THSD4: variants seen among roughly 807,000 people sequenced by gnomAD.
The protein encoded by THSD4 is thrombospondin type 1 domain containing 4, also known as thrombospondin type-1 domain-containing protein 4.
A neutral mutation model predicts 119.0 loss-of-function variants in THSD4; 69 were observed. The observed-to-expected ratio is 0.58, with a 90% CI of 0.48 to 0.71. The LOEUF (loss-of-function observed/expected upper bound fraction) is 0.71, where lower values mean the gene tolerates loss of function less well. Among genes scored for constraint, THSD4 ranks in the 30% least tolerant of loss-of-function variants. The pLI, the probability that THSD4 is intolerant of heterozygous loss-of-function variation, is 0.00. For missense variants in THSD4, 1,393 were observed against 1,391.1 expected (o/e 1.00, Z -0.02); for synonymous variants, 524 against 540.4 (o/e 0.97, Z 0.42).
Position 71,778,537 on chromosome 15 carries a change from T to TC in THSD4, c.*1168dup, listed in dbSNP as rs2053952401. ...TGGGCTCTGCCCTGCCTCAGCCGCCTCCCCCACGCTCTTCACCACGTTCCT... is the reference window on the plus strand; with the variant it reads ...TGGGCTCTGCCCTGCCTCAGCCGCCTCCCCCCACGCTCTTCACCACGTTCCT... On this transcript the variant is annotated 3_prime_UTR_variant, in exon 18 of 18. Transcript: ENST00000261862. 1.3e-5 allele frequency: 2 copies of TC among 152,620 alleles called. No individual in the cohort carries two copies. The highest frequency in any genetic ancestry group is 4.8e-5 in the African/African-American group (2 of 41,412). The allele number at this position is 152,620 out of a possible 1,614,324, so 9.5% of individuals were successfully genotyped here.
At chr15:71,696,956 AGT>A (rs1477536738) in intron 8 of THSD4, among the ~76,000 whole-genome samples, 1 of 152,218 alleles carries the variant, frequency 6.6e-6, no homozygotes, top group Non-Finnish European at 1.5e-5. Context: ...ATCATGGTGC[AGT>A]GTACAGGACA....
intron 7 of THSD4, chr15:71,547,696 G>C: frequency 1.9e-6 from 1 of 527,284 alleles, no homozygotes; most frequent in South Asian, 3.1e-5. Flanking sequence ...TTTTGAAGCT[G>C]TCTGTGCAGT....
At chr15:71,648,822 C>T (rs1486950709) in intron 7 of THSD4, among the ~76,000 whole-genome samples, 1 of 152,144 alleles carries the variant, frequency 6.6e-6, no homozygotes, top group East Asian at 1.9e-4. Context: ...AGGAGAGGCA[C>T]AACATTTTAC....
At chr15:71,395,745 A>G (rs1338430346) in intron 6 of THSD4, among the ~76,000 whole-genome samples, 1 of 151,576 alleles carries the variant, frequency 6.6e-6, no homozygotes, top group African/African-American at 2.4e-5. Context: ...CTGTCCCCCG[A>G]CTCCCAAAAA....
At chr15:71,448,822 A>G (rs1250329975) in intron 7 of THSD4, among the ~76,000 whole-genome samples, 1 of 152,234 alleles carries the variant, frequency 6.6e-6, no homozygotes, top group Non-Finnish European at 1.5e-5. Context: ...CCAGTCACTG[A>G]TAATATTAAC....
At chr15:71,627,717 A>G (rs2050535971) in intron 7 of THSD4, among the ~76,000 whole-genome samples, 2 of 152,178 alleles carry the variant, frequency 1.3e-5, no homozygotes, top group Admixed American at 6.5e-5. Flanking sequence ...GTATTGTACA[A>G]TAGGGCAGGG....
At chr15:71,628,681 T>G (rs1179891209) in intron 7 of THSD4, among the ~76,000 whole-genome samples, 1 of 152,178 alleles carries the variant, frequency 6.6e-6, no homozygotes, top group African/African-American at 2.4e-5. Flanking sequence ...GTAACAAGGG[T>G]GTCAATACAC....
intron 7 of THSD4, among the ~76,000 whole-genome samples, chr15:71,454,682 A>C (rs547268015): frequency 6.6e-6 from 1 of 152,368 alleles, no homozygotes; most frequent in Admixed American, 6.5e-5. Context: ...GTTAAAATTC[A>C]TTCTAAGTGG....
At chr15:71,362,202 C>T (rs761918395) in intron 6 of THSD4, among the ~76,000 whole-genome samples, 2 of 152,162 alleles carry the variant, frequency 1.3e-5, no homozygotes, top group Non-Finnish European at 2.9e-5. Context: ...TCGCTTGAAC[C>T]TGGGAGGTGG....
In THSD4 at chr15:71,777,362, G is replaced by C. The variant is rs775136765; in HGVS notation, c.3045G>C (p.Leu1015=). The C allele has an allele frequency of 6.2e-7, 1 of 1,613,684 alleles. No individual in the cohort carries two copies. The highest frequency in any genetic ancestry group is 1.1e-5 in the South Asian group (1 of 91,066). The change falls in exon 18 of 18, where the codon CTG becomes CTC. Residue 1015 remains leucine (L), a synonymous_variant. Coordinates refer to ENST00000261862, the MANE Select transcript of THSD4 (RefSeq NM_024817.3). ...TGGCCAACAGGCAGACGGGCTTCCT[G>C]GGGAGCAGATAACACTCCTGCACCC... ...TRVANRQTGF[L]GSR
chr15:71,601,346 A>G (rs2050007825), intron 7 of THSD4, among the ~76,000 whole-genome samples: 1 of 152,164 alleles, frequency 6.6e-6, no homozygotes, highest in African/African-American at 2.4e-5. Context: ...AGCCTTTAGC[A>G]GCTAGAGAAA....
intron 10 of THSD4, among the ~76,000 whole-genome samples, chr15:71,737,452 G>A (rs2053135771): frequency 6.6e-6 from 1 of 152,156 alleles, no homozygotes; most frequent in African/African-American, 2.4e-5. Context: ...ATTTTTGTAT[G>A]GGTTTTGGCT....
At chr15:71,486,466 G>A (rs1017444112) in intron 7 of THSD4, among the ~76,000 whole-genome samples, 14 of 152,130 alleles carry the variant, frequency 9.2e-5, no homozygotes, top group Non-Finnish European at 1.5e-4. Context: ...TCAGCTATCC[G>A]TAAATGCCCA....
chr15:71,434,780 C>A (rs970806088), intron 7 of THSD4, among the ~76,000 whole-genome samples: 1 of 152,108 alleles, frequency 6.6e-6, no homozygotes, highest in African/African-American at 2.4e-5. Context: ...TAACCACAGA[C>A]CTTTCTTTTT....
At chr15:71,402,828 T>C (rs2046555706) in intron 6 of THSD4, among the ~76,000 whole-genome samples, 1 of 152,222 alleles carries the variant, frequency 6.6e-6, no homozygotes, top group African/African-American at 2.4e-5. Flanking sequence ...AAGCATCCAC[T>C]ACATATGCCG....
chr15:71,621,536 G>T (rs888339218), intron 7 of THSD4, among the ~76,000 whole-genome samples: 6 of 152,182 alleles, frequency 3.9e-5, no homozygotes, highest in African/African-American at 1.4e-4. Context: ...TAGTAATATT[G>T]TACCTATTAA....
chr15:71,113,885 T>C (rs1338417735), upstream of THSD4: 4 of 152,322 alleles, frequency 2.6e-5, no homozygotes, highest in African/African-American at 9.6e-5. Context: ...TTTAAGTGTA[T>C]AATTCAGTGA....
chr15:71,403,115 G>A (rs2046559679), intron 6 of THSD4, among the ~76,000 whole-genome samples: 1 of 152,000 alleles, frequency 6.6e-6, no homozygotes, highest in Admixed American at 6.6e-5. Context: ...TGTCTTGTTG[G>A]GATCTCCTTT....
intron 7 of THSD4, among the ~76,000 whole-genome samples, chr15:71,589,186 T>TTGA (rs1308218214): frequency 6.6e-6 from 1 of 152,188 alleles, no homozygotes; most frequent in African/African-American, 2.4e-5. Context: ...TTAGTGGATT[T>TTGA]TGACCAGCAT....
Sources: gnomAD v4.1 joint callset for allele counts (sites outside exome capture counted in the v4.1 genomes callset) on GRCh38, gnomAD v4.1.1 for gene constraint, MANE v1.5 for transcripts, NCBI Gene and HGNC (gene_info 2026-07-23, HGNC 2026-07-21) for gene names.